The following OXR1 variants were observed in gnomAD, a reference collection of about 807,000 sequenced individuals.
OXR1 encodes oxidation resistance protein 1.
Under a neutral mutation model 104.6 loss-of-function variants are expected in OXR1, and 41 were observed. The observed-to-expected ratio is 0.39, with a 90% CI of 0.31 to 0.51. The LOEUF (loss-of-function observed/expected upper bound fraction) is 0.51, where lower values mean the gene tolerates loss of function less well. Ranked by LOEUF, OXR1 falls within the 20% of genes least tolerant of loss-of-function variation. OXR1 has a pLI of 0.77. For missense variants in OXR1, 955 were observed against 1,031.9 expected, an observed-to-expected ratio of 0.93 and a Z score of 1.02; for synonymous variants, 348 against 348.4, an observed-to-expected ratio of 1.00 and a Z score of 0.01.
chr8:106,698,001 C>G (rs1830224924), intron 7 of OXR1: 2 of 1,612,698 alleles, frequency 1.2e-6, no homozygotes, highest in East Asian at 4.5e-5. Context: ...AATGCAGGTC[C>G]CCTGTTGGCC....
Position 106,298,776 on chromosome 8 carries a change from C to T in OXR1, c.-139+28409C>T, listed in dbSNP as rs148715489. Among the ~76,000 whole-genome samples the T allele has an allele frequency of 3.0e-4, 45 of 151,864 alleles. No individual in the cohort carries two copies. In the East Asian group the frequency reaches 8.5e-3, roughly 29 times the overall value. On this transcript the variant is annotated intron_variant, in intron 1 of 16. Coordinates refer to ENST00000517566, the MANE Select transcript of OXR1 (RefSeq NM_001198533.2). ...CAAAACAAATAAACAAACAAACAAA[C>T]AAAAAACCACCCCAGAACAAAAGCA... is the stretch of plus-strand genomic sequence containing the variant.
chr8:106,652,931 A>G (rs1824721142), intron 3 of OXR1, among the ~76,000 whole-genome samples: 1 of 151,704 alleles, frequency 6.6e-6, no homozygotes, highest in African/African-American at 2.4e-5. Context: ...TAGGAGTAAA[A>G]GAGCTGATAT....
At chr8:106,610,970 T>G (rs1316576116) in intron 3 of OXR1, among the ~76,000 whole-genome samples, 1 of 152,254 alleles carries the variant, frequency 6.6e-6, no homozygotes, top group Admixed American at 6.5e-5. Flanking sequence ...TATTTATTTA[T>G]TGATCTCCTA....
chr8:106,650,051 A>G (rs907209016), intron 3 of OXR1, among the ~76,000 whole-genome samples: 9 of 152,328 alleles, frequency 5.9e-5, no homozygotes, highest in South Asian at 2.1e-4. Flanking sequence ...AATGTCTTCA[A>G]TATCAGTTCC....
intron 2 of OXR1, among the ~76,000 whole-genome samples, chr8:106,377,163 A>G (rs1011149237): frequency 1.3e-5 from 2 of 152,120 alleles, no homozygotes; most frequent in Non-Finnish European, 2.9e-5. Flanking sequence ...TACTTCAGAA[A>G]TGCATTTTTG....
At chr8:106,747,413 G>A (rs1835481772) in intron 16 of OXR1, among the ~76,000 whole-genome samples, 1 of 152,118 alleles carries the variant, frequency 6.6e-6, no homozygotes, top group African/African-American at 2.4e-5. Context: ...CATCCAACAT[G>A]ATCTGTTCCC....
At chr8:106,442,988 T>C (rs1451475148) in intron 2 of OXR1, among the ~76,000 whole-genome samples, 1 of 152,144 alleles carries the variant, frequency 6.6e-6, no homozygotes, top group African/African-American at 2.4e-5. Context: ...GCTCTTTTAT[T>C]TGTGACTTTA....
At chr8:106,690,579 T>G (rs1017324802) in intron 6 of OXR1, among the ~76,000 whole-genome samples, 2 of 151,410 alleles carry the variant, frequency 1.3e-5, no homozygotes, top group African/African-American at 2.4e-5. Context: ...GATGAGAGTT[T>G]TTTTTTTTTT....
chr8:106,550,344 A>G (rs1437768595), intron 3 of OXR1, among the ~76,000 whole-genome samples: 4 of 152,324 alleles, frequency 2.6e-5, no homozygotes, highest in Admixed American at 6.5e-5. Context: ...ACAGCATTCC[A>G]TGCAATTGAC....
At chr8:106,313,458 A>G (rs1189237626) in intron 1 of OXR1, among the ~76,000 whole-genome samples, 1 of 152,032 alleles carries the variant, frequency 6.6e-6, no homozygotes, top group African/African-American at 2.4e-5. Context: ...TGGTTGTTTG[A>G]TTTTCATTTG....
At chr8:106,557,823 G>A (rs1816396580) in intron 3 of OXR1, among the ~76,000 whole-genome samples, 1 of 152,180 alleles carries the variant, frequency 6.6e-6, no homozygotes, top group Non-Finnish European at 1.5e-5. Flanking sequence ...TCAGAAGTGG[G>A]TTCTTTGTTG....
At chr8:106,557,778 T>A (rs1027267738) in intron 3 of OXR1, among the ~76,000 whole-genome samples, 2 of 152,220 alleles carry the variant, frequency 1.3e-5, no homozygotes, top group African/African-American at 2.4e-5. Context: ...TATGCAGGGT[T>A]AAAGGCCACA....
At chr8:106,396,170 T>G (rs1817773932) in intron 2 of OXR1, among the ~76,000 whole-genome samples, 1 of 152,070 alleles carries the variant, frequency 6.6e-6, no homozygotes, top group South Asian at 2.1e-4. Flanking sequence ...AAATACTATA[T>G]GTAGATATAA....
intron 8 of OXR1, among the ~76,000 whole-genome samples, chr8:106,704,840 A>G (rs1830989332): frequency 6.6e-6 from 1 of 152,030 alleles, no homozygotes; most frequent in Non-Finnish European, 1.5e-5. Flanking sequence ...TGTCACCTGG[A>G]TTTAAATATT....
chr8:106,302,311 G>A (rs181017172), intron 1 of OXR1, among the ~76,000 whole-genome samples: 5 of 152,288 alleles, frequency 3.3e-5, no homozygotes, highest in Admixed American at 2.6e-4. Context: ...AGCCGAGCGC[G>A]GTGGCTCACG....
At chr8:106,585,859 T>A (rs1396104188) in intron 3 of OXR1, among the ~76,000 whole-genome samples, 1 of 152,150 alleles carries the variant, frequency 6.6e-6, no homozygotes, top group African/African-American at 2.4e-5. Flanking sequence ...GGGAGCTTGC[T>A]TTGCATATTT....
At chr8:106,306,470 AATAGCTGTTCATGATGTTC>A (rs1813469299) in intron 1 of OXR1, among the ~76,000 whole-genome samples, 4 of 152,142 alleles carry the variant, frequency 2.6e-5, no homozygotes, top group African/African-American at 9.7e-5. Context: ...TGTTTACAAA[AATAGCTGTTCATGATGTTC>A]ACAGCAGTTT....
intron 3 of OXR1, among the ~76,000 whole-genome samples, chr8:106,592,453 A>T (rs1194948698): frequency 6.6e-6 from 1 of 152,158 alleles, no homozygotes; most frequent in East Asian, 1.9e-4. Flanking sequence ...CACTTTACAG[A>T]TGAAGATATT....
intron 2 of OXR1, among the ~76,000 whole-genome samples, chr8:106,389,459 C>T (rs1352021778): frequency 6.6e-6 from 1 of 152,118 alleles, no homozygotes; most frequent in African/African-American, 2.4e-5. Context: ...CCCTACCATG[C>T]CTATGAGGCC....
Sources: gnomAD v4.1 joint callset for allele counts (sites outside exome capture counted in the v4.1 genomes callset) on GRCh38, gnomAD v4.1.1 for gene constraint, MANE v1.5 for transcripts, NCBI Gene and HGNC (gene_info 2026-07-23, HGNC 2026-07-21) for gene names.